The following RHBDD1 variants were observed in gnomAD, a reference collection of about 807,000 sequenced individuals.
RHBDD1 encodes the protein rhomboid-related protein 4.
A neutral mutation model predicts 36.3 loss-of-function variants in RHBDD1; 38 were observed. That is an observed-to-expected ratio of 1.05 (90% CI 0.81 to 1.37). RHBDD1 has a LOEUF of 1.37. Ranked by LOEUF, RHBDD1 falls within the 40% of genes most tolerant of loss-of-function variation. RHBDD1 has a pLI of 0.00. For missense variants in RHBDD1, 393 were observed against 377.6 expected (o/e 1.04, Z -0.34); for synonymous variants, 151 against 136.5 (o/e 1.11, Z -0.74).
chr2:226,936,858 A>G (rs1378641942), intron 8 of RHBDD1, among the ~76,000 whole-genome samples: 1 of 152,112 alleles, frequency 6.6e-6, no homozygotes, highest in Non-Finnish European at 1.5e-5. Context: ...CCAAATGACA[A>G]GCGATTTAAA....
chr2:226,914,197 T>C lies in RHBDD1; in HGVS notation c.713-11T>C, dbSNP rs1489467787. 2.0e-5 allele frequency: 32 copies of C among 1,612,972 alleles called. No homozygotes were observed. The highest frequency in any genetic ancestry group is 2.6e-5 in the Non-Finnish European group (31 of 1,179,378). On this transcript the variant is annotated splice_polypyrimidine_tract_variant and intron_variant, in intron 7 of 8. Coordinates refer to ENST00000392062, the MANE Select transcript of RHBDD1 (RefSeq NM_001167608.3). Reference sequence around the variant, plus strand: ...TAGCTGTGTTCTAGAACCTTTTCCTTGTGCCTTTAGGCAGCTCTGGATATC... The same window carrying C: ...TAGCTGTGTTCTAGAACCTTTTCCTCGTGCCTTTAGGCAGCTCTGGATATC...
intron 8 of RHBDD1, among the ~76,000 whole-genome samples, chr2:226,943,302 A>C (rs982505222): frequency 1.3e-5 from 2 of 152,218 alleles, no homozygotes; most frequent in South Asian, 4.1e-4. Flanking sequence ...ACTGATTAAA[A>C]TTACACTCTA....
chr2:226,877,751 G>A (rs369286662), intron 5 of RHBDD1, among the ~76,000 whole-genome samples: 6 of 151,770 alleles, frequency 4.0e-5, no homozygotes, highest in Admixed American at 6.6e-5. Context: ...TTCATCACAC[G>A]GTGTATTAAA....
chr2:226,988,756 A>G, intron 8 of RHBDD1: 5 of 900,450 alleles, frequency 5.6e-6, no homozygotes, highest in Non-Finnish European at 6.6e-6. Flanking sequence ...AGCATAGAGA[A>G]TTATTCCTGT....
chr2:226,859,990 C>G lies in RHBDD1; in HGVS notation c.-90-4614C>G, dbSNP rs149344689. ...CCAGACTAGAGTAGTAGCCCTAGAGCTAGAAAGAAGTAGATTGATAAAAAA... is the reference window on the plus strand; with the variant it reads ...CCAGACTAGAGTAGTAGCCCTAGAGGTAGAAAGAAGTAGATTGATAAAAAA... On this transcript the variant is annotated intron_variant, in intron 3 of 8. Transcript: ENST00000392062. Among the ~76,000 whole-genome samples the G allele has an allele frequency of 2.6e-3, 398 of 150,618 alleles. 5 individuals carry two copies. The highest frequency in any genetic ancestry group is 9.3e-3 in the African/African-American group (372 of 40,170).
At chr2:226,915,939 T>C (rs2125719512) in intron 8 of RHBDD1, among the ~76,000 whole-genome samples, 1 of 152,288 alleles carries the variant, frequency 6.6e-6, no homozygotes, top group African/African-American at 2.4e-5. Flanking sequence ...GCTAGCGAGC[T>C]AAGGTGTCTG....
the RHBDD1 span, among the ~76,000 whole-genome samples, chr2:226,813,020 A>G: frequency 6.6e-6 from 1 of 152,218 alleles, no homozygotes; most frequent in Admixed American, 6.5e-5. Context: ...TTAAAGAGTA[A>G]TGATGCCTTG....
upstream of RHBDD1, among the ~76,000 whole-genome samples, chr2:226,831,422 T>A (rs930931167): frequency 6.6e-6 from 1 of 152,156 alleles, no homozygotes; most frequent in African/African-American, 2.4e-5. Context: ...TAAGATGAGG[T>A]CACACTGGAG....
chr2:226,833,158 G>A (rs1238427371), upstream of RHBDD1, among the ~76,000 whole-genome samples: 1 of 152,136 alleles, frequency 6.6e-6, no homozygotes, highest in Non-Finnish European at 1.5e-5. Context: ...CTTAAATTGA[G>A]ATTTGAATTA....
At chr2:226,823,727 G>A in the RHBDD1 span, among the ~76,000 whole-genome samples, 1 of 152,150 alleles carries the variant, frequency 6.6e-6, no homozygotes. Context: ...AGATATTTGG[G>A]CAATTTATAA....
intron 8 of RHBDD1, among the ~76,000 whole-genome samples, chr2:226,943,628 T>A (rs1044246855): frequency 2.1e-5 from 3 of 143,536 alleles, no homozygotes; most frequent in Non-Finnish European, 4.5e-5. Context: ...TTAAATAAGC[T>A]GGGTCTCTGG....
the RHBDD1 span, among the ~76,000 whole-genome samples, chr2:226,820,644 C>CAAAAAAAAAAAAAAA: frequency 9.4e-5 from 6 of 63,544 alleles, no homozygotes; most frequent in Admixed American, 2.0e-4. Flanking sequence ...TCCATCTCCA[C>CAAAAAAAAAAAAAAA]AAAAAAAAAA....
At chr2:226,889,580 C>T (rs753366206) in intron 5 of RHBDD1, among the ~76,000 whole-genome samples, 2 of 152,190 alleles carry the variant, frequency 1.3e-5, no homozygotes, top group Admixed American at 6.5e-5. Context: ...AATTAGAAAT[C>T]AGTAGATTTC....
At chr2:226,962,111 C>T (rs1952243106) in intron 8 of RHBDD1, among the ~76,000 whole-genome samples, 1 of 152,188 alleles carries the variant, frequency 6.6e-6, no homozygotes, top group South Asian at 2.1e-4. Flanking sequence ...TTTCCAGTAA[C>T]CTGTAGAATT....
chr2:226,919,774 T>G (rs1949176245), intron 8 of RHBDD1, among the ~76,000 whole-genome samples: 2 of 152,092 alleles, frequency 1.3e-5, no homozygotes, highest in Admixed American at 6.6e-5. Context: ...CCAGTTTGCT[T>G]CTTTCTGCTC....
intron 3 of RHBDD1, among the ~76,000 whole-genome samples, chr2:226,859,867 T>C (rs1372245805): frequency 6.6e-6 from 1 of 152,224 alleles, no homozygotes; most frequent in East Asian, 1.9e-4. Context: ...ACAAGATTAC[T>C]CTAAGCAGTG....
intron 8 of RHBDD1, among the ~76,000 whole-genome samples, chr2:226,947,529 G>A (rs1294131262): frequency 1.3e-5 from 2 of 152,066 alleles, no homozygotes; most frequent in African/African-American, 2.4e-5. Flanking sequence ...TTTGAAGTCA[G>A]GTAGTGTGAT....
At chr2:226,870,117 G>A (rs1050800787) in intron 5 of RHBDD1, among the ~76,000 whole-genome samples, 2 of 152,190 alleles carry the variant, frequency 1.3e-5, no homozygotes, top group Non-Finnish European at 2.9e-5. Flanking sequence ...CTAGAGGAGA[G>A]CGGTTGAATG....
chr2:226,821,391 T>C, the RHBDD1 span, among the ~76,000 whole-genome samples: 1 of 152,176 alleles, frequency 6.6e-6, no homozygotes, highest in Non-Finnish European at 1.5e-5. Flanking sequence ...AAAACTAATT[T>C]GTTCTTTGCT....
Sources: allele counts gnomAD v4.1 joint callset (sites outside exome capture counted in the v4.1 genomes callset), GRCh38; gene constraint gnomAD v4.1.1; transcripts MANE v1.5; gene names NCBI Gene and HGNC (gene_info 2026-07-23, HGNC 2026-07-21).